The following KRT5 variants were observed in gnomAD, a reference collection of about 807,000 sequenced individuals.
KRT5 encodes the protein keratin, type II cytoskeletal 5.
KRT5 carries 17 observed loss-of-function variants against 44.0 expected under a neutral mutation model. The ratio of observed to expected loss-of-function variants is 0.39; its 90% CI spans 0.26 to 0.58. The LOEUF is 0.58. Ranked by LOEUF, KRT5 falls within the 20% of genes least tolerant of loss-of-function variation. The pLI is 0.61. For missense variants in KRT5, 737 were observed against 785.5 expected, an observed-to-expected ratio of 0.94 and a Z score of 0.74; for synonymous variants, 329 against 312.8, an observed-to-expected ratio of 1.05 and a Z score of -0.55.
chr12:52,518,637 A>G (rs1168432568), intron 2 of KRT5: 9 of 567,328 alleles, frequency 1.6e-5, no homozygotes, highest in African/African-American at 5.6e-5. Flanking sequence ...AGGCCCATGT[A>G]CCGGGGAGGA....
Position 52,515,635 on chromosome 12 carries a change from T to C in KRT5, c.1474+163A>G, listed in dbSNP as rs1799902. ...TAAGCCACATTGCTTCCTGTCCCAA[T>C]CTGTCCTTCCCCTCCACCACCCACA... On this transcript the variant is annotated intron_variant, in intron 8 of 8. Coordinates refer to ENST00000252242, the MANE Select transcript of KRT5 (RefSeq NM_000424.4). 95,973 of 709,136 alleles carry C rather than the reference T, an allele frequency of 0.14. 7,118 individuals carry two copies. Among genetic ancestry groups the C allele is most frequent in the Middle Eastern group, 0.18 (491 of 2,716 alleles). 43.9% of individuals were successfully genotyped at this position (709,136 alleles called of 1,614,324 possible).
In KRT5 at chr12:52,519,986, C is replaced by T. The variant is rs757370875; in HGVS notation, c.311G>A (p.Gly104Glu). The T allele has an allele frequency of 1.9e-6, 3 of 1,613,840 alleles. No homozygotes were observed. The South Asian group carries it at 3.3e-5, about 18-fold the overall frequency. ...ACCAGCTCCACCGCCGAAACCAAAT[C>T]CACTACCGGCACCACCTCCAAAGCC... Reference protein sequence around the residue: ...GYGFGGGAGSGFGFGGGAGGG... With the variant: ...GYGFGGGAGSEFGFGGGAGGG... The change falls in exon 1 of 9, where the codon GGA (glycine) becomes GAA (glutamate). Residue 104 changes from glycine to glutamate, a missense_variant. Around this residue, in one of 5 missense-constraint regions of KRT5, gnomAD observed 326 missense variants for 333.1 expected, o/e 0.98. Coordinates refer to ENST00000252242, the MANE Select transcript of KRT5 (RefSeq NM_000424.4).
chr12:52,516,683 C>A lies in KRT5; in HGVS notation c.1393G>T (p.Val465Leu). ...ELMNTKLALD[V>L]EIATYRKLLE... is the part of the protein sequence containing the mutation. ...AGCTTGCGGTAAGTGGCGATCTCCA[C>A]GTCCAGGGCCAGCTTGGTGTTCATG... is the stretch of plus-strand genomic sequence containing the variant. Residue 465 changes from valine to leucine, a missense_variant, in exon 7 of 9, where the codon GTG (valine) becomes TTG (leucine). By Grantham distance (32) the Val-to-Leu change is conservative. Coordinates refer to ENST00000252242, the MANE Select transcript of KRT5 (RefSeq NM_000424.4). 1 of 1,614,208 alleles carries A rather than the reference C, an allele frequency of 6.2e-7. No individual in the cohort carries two copies. Among genetic ancestry groups the A allele is most frequent in the Non-Finnish European group, 8.5e-7 (1 of 1,180,036 alleles).
At position 52,515,461 on chromosome 12, in the gene KRT5, G is replaced by A. The variant is rs996716169; in HGVS notation, c.1475-221C>T. The A allele has an allele frequency of 3.0e-5, 20 of 660,564 alleles. No homozygotes were observed. In the Middle Eastern group the frequency reaches 1.6e-3, roughly 54 times the overall value. 40.9% of individuals were successfully genotyped at this position (660,564 alleles called of 1,614,324 possible). A position where few individuals can be genotyped will look rare whatever the true frequency, so the allele number is the denominator to read the frequency against. ...TGAGAGGAGCTAGGTACTGAGGGGA[G>A]CTAGGTACTACAGGGAGCTAGGTAC... On this transcript the variant is annotated intron_variant, in intron 8 of 8. Coordinates refer to ENST00000252242, the MANE Select transcript of KRT5 (RefSeq NM_000424.4).
intron 7 of KRT5, chr12:52,516,413 T>C (rs1178041155): frequency 5.2e-6 from 3 of 579,688 alleles, no homozygotes; most frequent in Non-Finnish European, 9.3e-6. Flanking sequence ...GTTGCTCAGG[T>C]GCTTGGAGGA....
Position 52,520,144 on chromosome 12 carries a change from A to G in KRT5, c.153T>C (p.Leu51=), listed in dbSNP as rs1938692339. ...AGCCACCCACTCCACAAGCACCCGC[A>G]AGGCTGACCCTGCCGAAGCCACCAC... The part of the protein sequence containing the change: ...GGGGGFGRVS[L]AGACGVGGYG... Residue 51 remains leucine (L), a synonymous_variant, in exon 1 of 9, where the codon CTT becomes CTC. Coordinates refer to ENST00000252242, the MANE Select transcript of KRT5 (RefSeq NM_000424.4). 2 of 1,613,860 alleles carry G rather than the reference A, an allele frequency of 1.2e-6. No homozygotes were observed. The highest frequency in any genetic ancestry group is 1.3e-5 in the African/African-American group (1 of 74,898).
chr12:52,517,557 C>T (rs2120479212), intron 5 of KRT5, 33 bp downstream of exon 5: 1 of 1,609,840 alleles, frequency 6.2e-7, no homozygotes, highest in Non-Finnish European at 8.5e-7. Flanking sequence ...GGGTGTGTCC[C>T]CTCACTCAGG....
At position 52,520,232 on chromosome 12, in the gene KRT5, G is replaced by C. The variant is rs374462183; in HGVS notation, c.65C>G (p.Ala22Gly). The change falls in exon 1 of 9, where the codon GCC (alanine) becomes GGC (glycine). Residue 22 changes from alanine to glycine, a missense_variant. Around this residue, in one of 5 missense-constraint regions of KRT5, gnomAD observed 326 missense variants for 333.1 expected, o/e 0.98. Transcript: ENST00000252242. ...GGTGCGGGAGACAGACGGGGTGATG[G>C]CAGAGGCGGTGCTGAAGCTACGACT... ...GGSRSFSTAS[A>G]ITPSVSRTSF... The C allele has an allele frequency of 1.2e-5, 20 of 1,613,920 alleles. No individual in the cohort carries two copies. Among genetic ancestry groups the C allele is most frequent in the African/African-American group, 2.7e-5 (2 of 74,936 alleles).
In KRT5 at chr12:52,516,721, T is replaced by A. The variant is rs1439138800; in HGVS notation, c.1355A>T (p.Glu452Val). Residue 452 changes from glutamate (E) to valine (V), a missense_variant, in exon 7 of 9, where the codon GAG becomes GTG. Physicochemically the swap from Glu to Val is moderately radical, Grantham distance 121 (BLOSUM62 -2). This residue lies in a region of KRT5 where 344 missense variants were observed against 351.6 expected (regional missense o/e 0.98). Transcript: ENST00000252242. ...AKQDMARLLR[E>V]YQELMNTKLA... ...CTTGGTGTTCATGAGCTCCTGGTAC[T>A]CACGCAGCAGCCGGGCCATGTCCTG... 1 of 1,614,222 alleles carries A rather than the reference T, an allele frequency of 6.2e-7. No homozygotes were observed. The highest frequency in any genetic ancestry group is 8.5e-7 in the Non-Finnish European group (1 of 1,180,052).
intron 8 of KRT5, 107 bp from the exon 9 acceptor site, chr12:52,515,347 A>T (rs1592193091): frequency 6.7e-7 from 1 of 1,490,518 alleles, no homozygotes; most frequent in East Asian, 2.3e-5. Flanking sequence ...GACCCCCTTT[A>T]CAGAGTAGCA....
At position 52,520,194 on chromosome 12, in the gene KRT5, C is replaced by G; in HGVS notation, c.103G>C (p.Val35Leu). 2 of 1,614,044 alleles carry G rather than the reference C, an allele frequency of 1.2e-6. No homozygotes were observed. The highest frequency in any genetic ancestry group is 1.7e-6 in the Non-Finnish European group (2 of 1,179,960). ...CCACCGCCACCCCCGGACCGGGACA[C>G]GGAGGTGAAGCTGGTGCGGGAGACA... is the stretch of plus-strand genomic sequence containing the variant. The part of the protein sequence containing the change: ...PSVSRTSFTS[V>L]SRSGGGGGGG... Residue 35 changes from valine (V) to leucine (L), a missense_variant, in exon 1 of 9, where the codon GTG (valine) becomes CTG (leucine). Val to Leu is a conservative substitution (Grantham distance 32, BLOSUM62 1). Coordinates refer to ENST00000252242, the MANE Select transcript of KRT5 (RefSeq NM_000424.4).
chr12:52,519,492 A>G (rs1487530923), intron 1 of KRT5: 1 of 624,326 alleles, frequency 1.6e-6, no homozygotes, highest in African/African-American at 1.8e-5. Context: ...CATGAAATTC[A>G]TCTCTCTGTC....
intron 2 of KRT5, 108 bp downstream of exon 2, chr12:52,518,838 A>G (rs1379267492): frequency 1.5e-6 from 2 of 1,313,610 alleles, no homozygotes; most frequent in African/African-American, 2.9e-5. Flanking sequence ...CATGGAAGGT[A>G]TATCCTCCCA....
chr12:52,517,808 C>G lies in KRT5; in HGVS notation c.928-54G>C, dbSNP rs1938637786. On this transcript the variant is annotated intron_variant, in intron 4 of 8. Transcript: ENST00000252242. ...GGTTCTGTGTTGTGTTATTTAATGTCAGTTCCATTCAAATCTTTCACTCAT... is the reference window on the plus strand; with the variant it reads ...GGTTCTGTGTTGTGTTATTTAATGTGAGTTCCATTCAAATCTTTCACTCAT... 51 of 1,611,152 alleles carry G rather than the reference C, an allele frequency of 3.2e-5. 1 individual carries two copies. The South Asian group carries it at 5.5e-4, about 17-fold the overall frequency.
At chr12:52,518,406 G>A in intron 2 of KRT5, 1 of 649,866 alleles carries the variant, frequency 1.5e-6, no homozygotes, top group Non-Finnish European at 2.8e-6. Flanking sequence ...GTTGTTTCAA[G>A]CAGATTCCTG....
Position 52,515,789 on chromosome 12 carries a change from G to A in KRT5, c.1474+9C>T. The A allele has an allele frequency of 1.2e-6, 2 of 1,608,396 alleles. No homozygotes were observed. Among genetic ancestry groups the A allele is most frequent in the Middle Eastern group, 3.3e-4 (2 of 6,058 alleles). The stretch of plus-strand genomic sequence containing the variant: ...TTGTCGTTGTTAATGTCTGTTCAAA[G>A]CTACTTACAGATGTTGACTGGTCCA... On this transcript the variant is annotated intron_variant, in intron 8 of 8. Transcript: ENST00000252242.
rs1271144622 is a variant in KRT5, at chr12:52,516,711, C to A, written c.1365G>T (p.Glu455Asp). The change falls in exon 7 of 9, where the codon GAG (glutamate) becomes GAT (aspartate). Residue 455 changes from glutamate (E) to aspartate (D), a missense_variant. This residue lies in a region of KRT5 where 344 missense variants were observed against 351.6 expected (regional missense o/e 0.98). Coordinates refer to ENST00000252242, the MANE Select transcript of KRT5 (RefSeq NM_000424.4). ...CCAGGGCCAGCTTGGTGTTCATGAG[C>A]TCCTGGTACTCACGCAGCAGCCGGG... The part of the protein sequence containing the change: ...DMARLLREYQ[E>D]LMNTKLALDV... The A allele has an allele frequency of 1.9e-6, 3 of 1,614,066 alleles. No homozygotes were observed. The African/African-American group carries it at 4.0e-5, about 22-fold the overall frequency.
At position 52,519,058 on chromosome 12, in the gene KRT5, C is replaced by G; in HGVS notation, c.658G>C (p.Glu220Gln). The change falls in exon 2 of 9, where the codon GAG (glutamate) becomes CAG (glutamine). Residue 220 changes from glutamate to glutamine, a missense_variant. Around this residue, in one of 5 missense-constraint regions of KRT5, gnomAD observed 326 missense variants for 333.1 expected, o/e 0.98. Transcript: ENST00000252242. ...CTCCTGAGGTTGTTGATGTACTGCT[C>G]GAACAACGGCTCCAGGTTCTGCCTC... ...TVRQNLEPLF[E>Q]QYINNLRRQL... The G allele has an allele frequency of 6.2e-7, 1 of 1,614,186 alleles. No individual in the cohort carries two copies. Among genetic ancestry groups the G allele is most frequent in the Non-Finnish European group, 8.5e-7 (1 of 1,180,034 alleles).
chr12:52,517,733 G>A lies in KRT5; in HGVS notation c.949C>T (p.His317Tyr), dbSNP rs1340897979. Residue 317 changes from histidine (H) to tyrosine (Y), a missense_variant, in exon 5 of 9, where the codon CAT becomes TAT. His to Tyr is a moderately conservative substitution (Grantham distance 83, BLOSUM62 2). This residue lies in a region of KRT5 where 4 missense variants were observed against 20.7 expected (regional missense o/e 0.19). Coordinates refer to ENST00000252242, the MANE Select transcript of KRT5 (RefSeq NM_000424.4). ...FDAELSQMQT[H>Y]VSDTSVVLSM... is the part of the protein sequence containing the mutation. ...AGGACCACTGAGGTGTCAGAGACAT[G>A]CGTCTGCATCTGGGACAGCTCCTGC... The A allele has an allele frequency of 6.2e-7, 1 of 1,614,120 alleles. No individual in the cohort carries two copies. The highest frequency in any genetic ancestry group is 1.3e-5 in the African/African-American group (1 of 74,946).
Sources: allele counts gnomAD v4.1 joint callset, GRCh38; gene constraint gnomAD v4.1.1; regional missense constraint gnomAD v4.1.1; transcripts MANE v1.5; gene names NCBI Gene and HGNC (gene_info 2026-07-23, HGNC 2026-07-21).